The following FAM135B variants were observed in gnomAD, a reference collection of about 807,000 sequenced individuals.
FAM135B encodes protein FAM135B.
FAM135B carries 43 observed loss-of-function variants against 127.7 expected under a neutral mutation model. That is an observed-to-expected ratio of 0.34 (90% CI 0.26 to 0.43). FAM135B has a LOEUF of 0.43. Among genes scored for constraint, FAM135B ranks in the 20% least tolerant of loss-of-function variants. FAM135B has a pLI of 1.00. For missense variants in FAM135B, 1,558 were observed against 1,725.6 expected, an observed-to-expected ratio of 0.90 and a Z score of 1.72; for synonymous variants, 670 against 665.1, an observed-to-expected ratio of 1.01 and a Z score of -0.11.
At chr8:138,295,256 A>G (rs751951656) in intron 3 of FAM135B, among the ~76,000 whole-genome samples, 1 of 151,558 alleles carries the variant, frequency 6.6e-6, no homozygotes, top group Non-Finnish European at 1.5e-5. Context: ...GGAATCATCT[A>G]AACTGCTAGG....
chr8:138,309,308 C>G (rs767178968), intron 3 of FAM135B, among the ~76,000 whole-genome samples: 10 of 150,512 alleles, frequency 6.6e-5, no homozygotes, highest in Non-Finnish European at 1.2e-4. Flanking sequence ...TTAAATCACT[C>G]TGGATCTACA....
intron 13 of FAM135B, among the ~76,000 whole-genome samples, chr8:138,149,388 C>A (rs1019329657): frequency 1.3e-5 from 2 of 152,110 alleles, no homozygotes; most frequent in Non-Finnish European, 2.9e-5. Flanking sequence ...TTCTCTAGCA[C>A]CACTCCTCAC....
chr8:138,483,822 G>T (rs1311967406), intron 1 of FAM135B, among the ~76,000 whole-genome samples: 2 of 152,120 alleles, frequency 1.3e-5, no homozygotes, highest in African/African-American at 4.8e-5. Flanking sequence ...AGAATGAGAT[G>T]CCTCTTAAAG....
chr8:138,320,735 A>G (rs1827395000), intron 2 of FAM135B, among the ~76,000 whole-genome samples: 1 of 152,208 alleles, frequency 6.6e-6, no homozygotes, highest in Non-Finnish European at 1.5e-5. Context: ...AGAAACTAAA[A>G]GAGGACTGAT....
At chr8:138,382,647 C>T (rs538720307) in intron 1 of FAM135B, among the ~76,000 whole-genome samples, 42 of 152,186 alleles carry the variant, frequency 2.8e-4, no homozygotes, top group African/African-American at 9.2e-4. Context: ...CTGTGAAAAA[C>T]CAAAGAATTT....
At chr8:138,277,432 T>A (rs1823915443) in intron 3 of FAM135B, among the ~76,000 whole-genome samples, 2 of 152,226 alleles carry the variant, frequency 1.3e-5, no homozygotes. Context: ...TGGTTTCTGA[T>A]GGGTCACCTT....
At chr8:138,351,303 G>A (rs1055505006) in intron 2 of FAM135B, among the ~76,000 whole-genome samples, 12 of 152,244 alleles carry the variant, frequency 7.9e-5, no homozygotes, top group Middle Eastern at 3.4e-3. Context: ...CCATTAGGGT[G>A]GTCCCTGATC....
intron 1 of FAM135B, among the ~76,000 whole-genome samples, chr8:138,373,820 G>A (rs1043509200): frequency 3.3e-5 from 5 of 152,100 alleles, no homozygotes; most frequent in African/African-American, 1.2e-4. Context: ...GCGCTCCCAG[G>A]CTTATTAGGA....
chr8:138,231,854 T>G (rs1045261315), intron 7 of FAM135B, among the ~76,000 whole-genome samples: 1 of 152,174 alleles, frequency 6.6e-6, no homozygotes, highest in Admixed American at 6.5e-5. Flanking sequence ...CATACTTATG[T>G]TACAAGATCC....
chr8:138,163,063 A>G (rs1323142712), intron 12 of FAM135B, among the ~76,000 whole-genome samples: 3 of 152,268 alleles, frequency 2.0e-5, no homozygotes, highest in African/African-American at 7.2e-5. Context: ...TAATTGAAAG[A>G]GAATGGATTT....
chr8:138,179,980 A>G (rs1814857438), intron 9 of FAM135B, among the ~76,000 whole-genome samples: 1 of 152,176 alleles, frequency 6.6e-6, no homozygotes, highest in African/African-American at 2.4e-5. Context: ...GCTTCACTCC[A>G]CATTTCTTAC....
intron 3 of FAM135B, among the ~76,000 whole-genome samples, chr8:138,280,405 G>A (rs929945935): frequency 6.6e-6 from 1 of 151,616 alleles, no homozygotes; most frequent in Non-Finnish European, 1.5e-5. Context: ...CAACATTATG[G>A]TGCAGAGGCA....
intron 7 of FAM135B, among the ~76,000 whole-genome samples, chr8:138,217,640 C>T (rs113936371): frequency 0.052 from 7,976 of 152,070 alleles, 469 homozygotes; most frequent in African/African-American, 0.14. Context: ...ACCATGTTAG[C>T]CAGGATGGTC....
intron 2 of FAM135B, among the ~76,000 whole-genome samples, chr8:138,329,137 T>A (rs1252397984): frequency 1.3e-5 from 2 of 151,642 alleles, no homozygotes; most frequent in African/African-American, 2.4e-5. Flanking sequence ...GGGACAGAGA[T>A]AAGTAGATGT....
At position 138,273,677 on chromosome 8, in the gene FAM135B, A is replaced by G. The variant is rs571243779; in HGVS notation, c.158-7835T>C. 1.6e-4 allele frequency among the ~76,000 whole-genome samples: 24 copies of G among 152,158 alleles called. No homozygotes were observed. The South Asian group carries it at 3.9e-3, about 25-fold the overall frequency. On this transcript the variant is annotated intron_variant, in intron 3 of 19. Coordinates refer to ENST00000395297, the MANE Select transcript of FAM135B (RefSeq NM_015912.4). ...TTTTACAGGCAAAAATGACAACAAC[A>G]ATCCGACTACACTGGGGAGCCAGAT...
At chr8:138,197,210 T>A (rs2131131840) in intron 8 of FAM135B, among the ~76,000 whole-genome samples, 1 of 152,232 alleles carries the variant, frequency 6.6e-6, no homozygotes, top group Non-Finnish European at 1.5e-5. Flanking sequence ...TAAACCAGCA[T>A]TTTCCTCTAG....
At chr8:138,430,827 T>G (rs964498801) in intron 1 of FAM135B, among the ~76,000 whole-genome samples, 2 of 152,168 alleles carry the variant, frequency 1.3e-5, no homozygotes, top group Non-Finnish European at 2.9e-5. Flanking sequence ...GAAACTGTTC[T>G]TTGGAGTCAA....
chr8:138,205,267 T>C (rs1201565889), intron 7 of FAM135B, among the ~76,000 whole-genome samples: 1 of 152,220 alleles, frequency 6.6e-6, no homozygotes, highest in Non-Finnish European at 1.5e-5. Flanking sequence ...GGGTAAATAA[T>C]GTTTGCAGGT....
At position 138,445,028 on chromosome 8, in the gene FAM135B, T is replaced by A. The variant is rs1244517768; in HGVS notation, c.-20+51643A>T. Among the ~76,000 whole-genome samples the A allele has an allele frequency of 2.0e-5, 3 of 152,274 alleles. No individual in the cohort carries two copies. In the East Asian group the frequency reaches 5.8e-4, roughly 29 times the overall value. Reference sequence around the variant, plus strand: ...CATCAGAGAATACTATAAACACCTCTACGCAAATAAACTAGAAAATCTAGA... The same window carrying A: ...CATCAGAGAATACTATAAACACCTCAACGCAAATAAACTAGAAAATCTAGA... On this transcript the variant is annotated intron_variant, in intron 1 of 19. Coordinates refer to ENST00000395297, the MANE Select transcript of FAM135B (RefSeq NM_015912.4).
Sources: gnomAD v4.1 joint callset for allele counts (sites outside exome capture counted in the v4.1 genomes callset) on GRCh38, gnomAD v4.1.1 for gene constraint, MANE v1.5 for transcripts, NCBI Gene and HGNC (gene_info 2026-07-23, HGNC 2026-07-21) for gene names.